CASZ1: variants seen among roughly 807,000 people sequenced by gnomAD.
CASZ1 encodes the protein zinc finger protein castor homolog 1.
Under a neutral mutation model 135.2 loss-of-function variants are expected in CASZ1, and 28 were observed. The ratio of observed to expected loss-of-function variants is 0.21; its 90% CI spans 0.15 to 0.28. The LOEUF (loss-of-function observed/expected upper bound fraction) is 0.28, where lower values mean the gene tolerates loss of function less well. Among genes scored for constraint, CASZ1 ranks in the 10% least tolerant of loss-of-function variants. CASZ1 has a pLI of 1.00. For missense variants in CASZ1, 2,161 were observed against 2,453.3 expected (o/e 0.88, Z 2.52); for synonymous variants, 1,068 against 1,073.4 (o/e 0.99, Z 0.10).
chr1:10,678,189 C>T (rs1638295253), intron 4 of CASZ1, among the ~76,000 whole-genome samples: 1 of 152,214 alleles, frequency 6.6e-6, no homozygotes, highest in African/African-American at 2.4e-5. Flanking sequence ...GGTGGCACAC[C>T]ACCCGCCCTC....
At chr1:10,780,154 C>G (rs746039206) in intron 1 of CASZ1, among the ~76,000 whole-genome samples, 2 of 152,242 alleles carry the variant, frequency 1.3e-5, no homozygotes, top group African/African-American at 2.4e-5. Flanking sequence ...CGACAACGCT[C>G]TGCTCTCCAT....
At chr1:10,677,952 C>T (rs943777723) in intron 4 of CASZ1, among the ~76,000 whole-genome samples, 1 of 152,194 alleles carries the variant, frequency 6.6e-6, no homozygotes. Flanking sequence ...TGGAGGCTGG[C>T]TGCGTGGCCT....
In CASZ1 at chr1:10,759,011, C is replaced by G. The variant is rs185606479; in HGVS notation, c.-77+1690G>C. Among the ~76,000 whole-genome samples the G allele has an allele frequency of 7.2e-5, 11 of 152,322 alleles. No homozygotes were observed. The highest frequency in any genetic ancestry group is 7.2e-4 in the Admixed American group (11 of 15,298). On this transcript the variant is annotated intron_variant, in intron 2 of 20. Transcript: ENST00000377022. This position sits in a 1 kb window ranked among gnomAD's most constrained non-coding sequence, Gnocchi z 4.2. ...GGTACAAATCCCCGCTTGCATGACC[C>G]CTGGGAGTCAACAGCGAATGGAAAC...
Position 10,653,597 on chromosome 1 carries a change from G to A in CASZ1, c.2460C>T (p.Leu820=). ...STSLPVGTPS[L]LGAVSSGSAA... ...CTGACCCAGACGACACGGCACCCAG[G>A]AGGCTGGGGGTGCCCACAGGCAGGG... The change falls in exon 11 of 21, where the codon CTC becomes CTT. Residue 820 remains leucine, a synonymous_variant. Coordinates refer to ENST00000377022, the MANE Select transcript of CASZ1 (RefSeq NM_001079843.3). The A allele has an allele frequency of 6.4e-7, 1 of 1,554,838 alleles. No homozygotes were observed. Among genetic ancestry groups the A allele is most frequent in the Non-Finnish European group, 8.7e-7 (1 of 1,148,732 alleles).
intron 1 of CASZ1, among the ~76,000 whole-genome samples, chr1:10,786,785 G>A (rs977088348): frequency 2.6e-5 from 4 of 152,188 alleles, no homozygotes; most frequent in Admixed American, 2.0e-4. Flanking sequence ...GCACAAAACA[G>A]TAAAGCACAC....
chr1:10,771,441 T>C (rs991470664), intron 1 of CASZ1, among the ~76,000 whole-genome samples: 5 of 152,140 alleles, frequency 3.3e-5, no homozygotes, highest in Admixed American at 2.6e-4. Flanking sequence ...CGGGTACTTC[T>C]AGTCTATCAA....
chr1:10,663,613 G>A (rs1374221814), intron 5 of CASZ1, among the ~76,000 whole-genome samples: 2 of 152,248 alleles, frequency 1.3e-5, no homozygotes, highest in Non-Finnish European at 2.9e-5. Context: ...AGGGCAGGCA[G>A]CTTGCACAGG....
chr1:10,754,025 C>G (rs1308712595), intron 2 of CASZ1, among the ~76,000 whole-genome samples: 1 of 152,158 alleles, frequency 6.6e-6, no homozygotes. Context: ...ACGCTGGTCT[C>G]CTTGCTTCTC....
intron 1 of CASZ1, among the ~76,000 whole-genome samples, chr1:10,769,840 T>C (rs1314768099): frequency 6.6e-6 from 1 of 152,124 alleles, no homozygotes; most frequent in Non-Finnish European, 1.5e-5. Flanking sequence ...AAGGGTGCTA[T>C]GTGCCAGGCT....
rs1398538452 is a variant in CASZ1, at chr1:10,700,201, T to C, written c.-24+5291A>G. The stretch of plus-strand genomic sequence containing the variant: ...GGCCCCAGCCCGGGCGGGGACCTGT[T>C]CTGGAATGTTGGGTTGGCATTTTGT... On this transcript the variant is annotated intron_variant, in intron 3 of 20. Coordinates refer to ENST00000377022, the MANE Select transcript of CASZ1 (RefSeq NM_001079843.3). The surrounding 1 kb of genome is among the most constrained non-coding windows in gnomAD (Gnocchi z 4.2). 6.6e-6 allele frequency among the ~76,000 whole-genome samples: 1 copy of C among 152,086 alleles called. No individual in the cohort carries two copies. Among genetic ancestry groups the C allele is most frequent in the East Asian group, 1.9e-4 (1 of 5,186 alleles).
intron 2 of CASZ1, among the ~76,000 whole-genome samples, chr1:10,734,260 C>A (rs1238724143): frequency 7.0e-6 from 1 of 143,472 alleles, no homozygotes; most frequent in Admixed American, 7.5e-5. Context: ...TCCAAGTCAC[C>A]TGCCTGGGAA....
chr1:10,661,076 G>C (rs1643007153), intron 5 of CASZ1: 1 of 168,826 alleles, frequency 5.9e-6, no homozygotes, highest in Non-Finnish European at 1.3e-5. Context: ...CAGATGAAGG[G>C]TCCACTACAA....
intron 2 of CASZ1, among the ~76,000 whole-genome samples, chr1:10,752,625 T>TC (rs1181517588): frequency 3.9e-5 from 6 of 152,316 alleles, no homozygotes; most frequent in African/African-American, 1.4e-4. Context: ...GAGTGCTGGC[T>TC]CTTCCAGAAG....
chr1:10,642,171 C>G (rs1457845424), intron 20 of CASZ1: 1 of 102,670 alleles, frequency 9.7e-6, no homozygotes, highest in Non-Finnish European at 1.8e-5. Flanking sequence ...AGAGACAGGA[C>G]GGAGAGAAGA....
intron 1 of CASZ1, among the ~76,000 whole-genome samples, chr1:10,785,038 G>GCTTT: frequency 1.8e-5 from 1 of 54,806 alleles, no homozygotes; most frequent in Middle Eastern, 9.1e-3. Flanking sequence ...TTTCTTTCTT[G>GCTTT]CTTGCTTGCT....
intron 2 of CASZ1, among the ~76,000 whole-genome samples, chr1:10,729,592 G>T (rs1044656292): frequency 1.5e-4 from 23 of 152,222 alleles, no homozygotes. Flanking sequence ...AGCGTGGTCC[G>T]CAGGCCTCTT....
intron 13 of CASZ1, 127 bp downstream of exon 13, chr1:10,650,565 T>C: frequency 1.3e-6 from 1 of 746,250 alleles, no homozygotes; most frequent in East Asian, 2.5e-5. Flanking sequence ...GGCCTCAAAA[T>C]TTAAATGGTA....
chr1:10,710,205 C>T (rs1339612680), intron 2 of CASZ1, among the ~76,000 whole-genome samples: 1 of 152,198 alleles, frequency 6.6e-6, no homozygotes, highest in African/African-American at 2.4e-5. Context: ...GGCTCAGCAC[C>T]AGCTTCCAGC....
At chr1:10,693,723 TC>T (rs1349259094) in intron 4 of CASZ1, 150 bp downstream of exon 4, 3 of 760,100 alleles carry the variant, frequency 3.9e-6, no homozygotes, top group Non-Finnish European at 6.9e-6. Context: ...AAGTCGCCGA[TC>T]CCGAGGCCGG....
Sources: gnomAD v4.1 joint callset for allele counts (sites outside exome capture counted in the v4.1 genomes callset) on GRCh38, gnomAD v4.1.1 for gene constraint, Gnocchi (gnomAD v3.1) non-coding constraint, MANE v1.5 for transcripts, NCBI Gene and HGNC (gene_info 2026-07-23, HGNC 2026-07-21) for gene names.